SEMA3A: variants seen among roughly 807,000 people sequenced by gnomAD.
The protein encoded by SEMA3A is semaphorin-3A.
In SEMA3A, 29 loss-of-function variants were observed where a neutral mutation model predicts 97.9. The observed-to-expected ratio is 0.30, with a 90% CI of 0.22 to 0.40. The LOEUF (loss-of-function observed/expected upper bound fraction) is 0.40. Ranked by LOEUF, SEMA3A falls within the 10% of genes least tolerant of loss-of-function variation. The pLI is 1.00. For missense variants in SEMA3A, 763 were observed against 951.3 expected (o/e 0.80, Z 2.60); for synonymous variants, 321 against 323.7 (o/e 0.99, Z 0.09).
chr7:84,313,429 G>A (rs1198615304), intron 2 of SEMA3A, among the ~76,000 whole-genome samples: 2 of 138,356 alleles, frequency 1.4e-5, no homozygotes, highest in Admixed American at 7.4e-5. Flanking sequence ...CTCCTGATAA[G>A]AGAGTCTTTC....
At chr7:84,150,458 C>T (rs1206505880) in intron 1 of SEMA3A, among the ~76,000 whole-genome samples, 1 of 152,198 alleles carries the variant, frequency 6.6e-6, no homozygotes, top group Non-Finnish European at 1.5e-5. Flanking sequence ...GTTCCCTTTC[C>T]TAATCAAAGA....
chr7:84,006,129 T>C (rs1005305413), intron 10 of SEMA3A, among the ~76,000 whole-genome samples: 1 of 152,048 alleles, frequency 6.6e-6, no homozygotes, highest in African/African-American at 2.4e-5. Context: ...ATGAGTGTTA[T>C]TAGTAAAATA....
At chr7:84,487,029 T>C (rs578058539) in intron 1 of SEMA3A, among the ~76,000 whole-genome samples, 21 of 152,268 alleles carry the variant, frequency 1.4e-4, no homozygotes, top group Non-Finnish European at 1.8e-4. Context: ...ACTAATTAGA[T>C]GCCTCTTTGA....
intron 3 of SEMA3A, 57 bp downstream of exon 3, chr7:84,129,066 A>G: frequency 2.2e-6 from 3 of 1,347,240 alleles, no homozygotes; most frequent in Non-Finnish European, 3.2e-6. Flanking sequence ...TTTTGTCCCA[A>G]GCATTTTGAA....
chr7:84,083,381 G>C (rs754936121), intron 4 of SEMA3A, among the ~76,000 whole-genome samples: 2 of 151,908 alleles, frequency 1.3e-5, no homozygotes, highest in Non-Finnish European at 2.9e-5. Context: ...TACACAATGT[G>C]TAATGATAAA....
intron 3 of SEMA3A, among the ~76,000 whole-genome samples, chr7:84,302,566 A>G (rs1207175983): frequency 6.6e-6 from 1 of 152,148 alleles, no homozygotes. Context: ...TTAGATGTGT[A>G]TTTTAAAAAT....
At chr7:84,027,013 A>C (rs1791572481) in intron 6 of SEMA3A, among the ~76,000 whole-genome samples, 1 of 152,184 alleles carries the variant, frequency 6.6e-6, no homozygotes, top group Non-Finnish European at 1.5e-5. Flanking sequence ...GTTAAAAAAA[A>C]AACTGCAAGC....
intron 1 of SEMA3A, among the ~76,000 whole-genome samples, chr7:84,437,309 A>AT (rs1468402116): frequency 6.6e-6 from 1 of 152,010 alleles, no homozygotes; most frequent in Non-Finnish European, 1.5e-5. Context: ...GTGAGCTAGT[A>AT]ATTAGTTTTA....
chr7:84,053,733 G>A (rs1365762911), intron 5 of SEMA3A, among the ~76,000 whole-genome samples: 1 of 149,610 alleles, frequency 6.7e-6, no homozygotes, highest in Non-Finnish European at 1.5e-5. Context: ...ATATTGTTAT[G>A]TGTGAATTTG....
chr7:83,988,031 T>G (rs908045696), intron 12 of SEMA3A, among the ~76,000 whole-genome samples: 3 of 152,214 alleles, frequency 2.0e-5, no homozygotes, highest in Non-Finnish European at 4.4e-5. Context: ...TTATATTTTT[T>G]CTTGGCTGCT....
chr7:84,015,127 T>C (rs73183709), intron 6 of SEMA3A, among the ~76,000 whole-genome samples: 8,083 of 152,292 alleles, frequency 0.053, 320 homozygotes, highest in East Asian at 0.2. Context: ...ATTGGATTTA[T>C]TGTCTGGTAT....
At chr7:84,162,344 G>T (rs2116169480) in intron 1 of SEMA3A, among the ~76,000 whole-genome samples, 1 of 152,200 alleles carries the variant, frequency 6.6e-6, no homozygotes. Flanking sequence ...ATGTGCAAAG[G>T]GTGAGGAAGG....
intron 1 of SEMA3A, among the ~76,000 whole-genome samples, chr7:84,467,249 G>A (rs563803848): frequency 2.5e-4 from 38 of 152,036 alleles, no homozygotes; most frequent in Non-Finnish European, 4.7e-4. Context: ...AGGGCCGGGC[G>A]CAGTGCCTCA....
At chr7:84,194,892 A>T (rs11981143), upstream of SEMA3A, 2 of 234,436 alleles carry the variant, frequency 8.5e-6, no homozygotes, top group African/African-American at 4.5e-5. Flanking sequence ...GGTCTGCTGC[A>T]GTGGTGCTTA....
At chr7:84,050,942 C>A (rs1173392860) in intron 5 of SEMA3A, among the ~76,000 whole-genome samples, 1 of 151,520 alleles carries the variant, frequency 6.6e-6, no homozygotes, top group Non-Finnish European at 1.5e-5. Context: ...AGCCAGTTTT[C>A]CCAGCACCAT....
chr7:84,112,548 TAAG>T (rs746889082), intron 3 of SEMA3A, among the ~76,000 whole-genome samples: 7 of 152,160 alleles, frequency 4.6e-5, no homozygotes, highest in Non-Finnish European at 1.0e-4. Flanking sequence ...ATTTTACCAG[TAAG>T]AAGACTTGTG....
intron 1 of SEMA3A, among the ~76,000 whole-genome samples, chr7:84,486,873 A>G (rs937087524): frequency 6.6e-6 from 1 of 152,182 alleles, no homozygotes; most frequent in African/African-American, 2.4e-5. Context: ...AAATTCAAGC[A>G]TATTAGTGCA....
At chr7:84,273,899 T>C (rs566707761) in intron 3 of SEMA3A, among the ~76,000 whole-genome samples, 1 of 152,100 alleles carries the variant, frequency 6.6e-6, no homozygotes, top group Non-Finnish European at 1.5e-5. Context: ...AAATGATTTG[T>C]CTGTCTCATT....
chr7:84,276,671 A>G (rs891857607), intron 3 of SEMA3A, among the ~76,000 whole-genome samples: 1 of 152,138 alleles, frequency 6.6e-6, no homozygotes, highest in Admixed American at 6.6e-5. Context: ...AATATTTTAT[A>G]CAGTAATATA....
Sources: allele counts gnomAD v4.1 joint callset (sites outside exome capture counted in the v4.1 genomes callset), GRCh38; gene constraint gnomAD v4.1.1; transcripts MANE v1.5; gene names NCBI Gene and HGNC (gene_info 2026-07-23, HGNC 2026-07-21).